Variants in CENPI observed in about 807,000 individuals in gnomAD.
CENPI encodes the protein centromere protein I, also known as FSH primary response 1.
In CENPI, 4 loss-of-function variants were observed where a neutral mutation model predicts 60.4. The ratio of observed to expected loss-of-function variants is 0.07; its 90% CI spans 0.03 to 0.15. The LOEUF is 0.15. Among genes scored for constraint, CENPI ranks in the 10% least tolerant of loss-of-function variants. The pLI, the probability that CENPI is intolerant of heterozygous loss-of-function variation, is 1.00. For synonymous variants in CENPI, 157 were observed against 189.4 expected, an observed-to-expected ratio of 0.83 and a Z score of 1.40; for missense variants, 444 against 534.5, an observed-to-expected ratio of 0.83 and a Z score of 1.67.
At chrX:101,109,867 A>G (rs1277800027) in intron 5 of CENPI, 24 bp from the exon 6 acceptor site, 14 of 1,058,938 alleles carry the variant, frequency 1.3e-5, no homozygotes, top group Admixed American at 2.2e-5. Context: ...TTCTTTAAAG[A>G]TAAGTATTTT....
intron 4 of CENPI, among the ~76,000 whole-genome samples, chrX:101,104,115 C>T (rs2089455767): frequency 9.0e-6 from 1 of 111,528 alleles, no homozygotes; most frequent in Non-Finnish European, 1.9e-5. Context: ...TTGGGCTTAT[C>T]GGCATGTGCC....
In CENPI at chrX:101,110,016, A is replaced by G. The variant is rs752043926; in HGVS notation, c.591+18A>G. On this transcript the variant is annotated intron_variant, in intron 6 of 21. Transcript: ENST00000682095. ...ATGCACTGGTAAGTAAAAATTGGACAGCATTAGGCATCAATCAAATAGTAC... is the reference window on the plus strand; with the variant it reads ...ATGCACTGGTAAGTAAAAATTGGACGGCATTAGGCATCAATCAAATAGTAC... The G allele has an allele frequency of 1.2e-4, 122 of 981,932 alleles. No homozygotes were observed. Among genetic ancestry groups the G allele is most frequent in the Admixed American group, 2.7e-4 (12 of 44,572 alleles). 80.9% of individuals were successfully genotyped at this position (981,932 alleles called of 1,213,427 possible). A position where few individuals can be genotyped will look rare whatever the true frequency, so the allele number is the denominator to read the frequency against.
intron 18 of CENPI, among the ~76,000 whole-genome samples, chrX:101,147,560 C>T (rs1268280830): frequency 9.0e-6 from 1 of 111,731 alleles, no homozygotes; most frequent in Non-Finnish European, 1.9e-5. Context: ...CTTAAGTGTA[C>T]AACTTATTGA....
At chrX:101,100,997 CTG>C (rs1448474076) in intron 2 of CENPI, 59 bp from the exon 3 acceptor site, 1 of 767,026 alleles carries the variant, frequency 1.3e-6, no homozygotes, top group Non-Finnish European at 2.0e-6. Flanking sequence ...CACCCTGTCT[CTG>C]TGGAGAAAAA....
At chrX:101,133,921 G>A (rs966808648) in intron 15 of CENPI, among the ~76,000 whole-genome samples, 26 of 111,490 alleles carry the variant, frequency 2.3e-4, no homozygotes, top group African/African-American at 8.1e-4. Flanking sequence ...CAGATTGTGT[G>A]GGTTGAGGAG....
At chrX:101,126,606 C>T (rs1187074453) in intron 8 of CENPI, 103 bp from the exon 9 acceptor site, 14 of 615,958 alleles carry the variant, frequency 2.3e-5, no homozygotes, top group Admixed American at 1.3e-4. Flanking sequence ...TATATCTCAG[C>T]GAAATTATGG....
At chrX:101,178,364 C>T in the CENPI span, among the ~76,000 whole-genome samples, 4 of 102,672 alleles carry the variant, frequency 3.9e-5, no homozygotes, top group Admixed American at 1.1e-4. Context: ...GAAGCCCCTT[C>T]CTTAGGATCT....
At chrX:101,156,384 T>G (rs2090052485) in intron 20 of CENPI, among the ~76,000 whole-genome samples, 2 of 112,315 alleles carry the variant, frequency 1.8e-5, no homozygotes, top group Non-Finnish European at 1.9e-5. Context: ...GTTGTAAGGT[T>G]AGGCACCATT....
chrX:101,155,647 T>C (rs1204794401), intron 20 of CENPI, among the ~76,000 whole-genome samples: 1 of 112,398 alleles, frequency 8.9e-6, no homozygotes, highest in East Asian at 2.8e-4. Context: ...TTAGAATAAA[T>C]CCTGTTTGGT....
At chrX:101,168,740 A>C (rs1168743090), downstream of CENPI, among the ~76,000 whole-genome samples, 5 of 111,889 alleles carry the variant, frequency 4.5e-5, no homozygotes, top group Admixed American at 4.8e-4. Flanking sequence ...ATTAGAGGCT[A>C]TACAGTGGGG....
At position 101,118,086 on chromosome X, in the gene CENPI, T is replaced by C. The variant is rs138775590; in HGVS notation, c.592-2316T>C. 2.8e-3 allele frequency among the ~76,000 whole-genome samples: 310 copies of C among 111,845 alleles called. 1 individual carries two copies. The highest frequency in any genetic ancestry group is 9.5e-3 in the African/African-American group (292 of 30,854). ...GACATTAAAGTCATCTGGCATGATA[T>C]TGGGATTAGAGTTAGAGCTGAAAAC... On this transcript the variant is annotated intron_variant, in intron 6 of 21. Coordinates refer to ENST00000682095, the MANE Select transcript of CENPI (RefSeq NM_001386188.2).
chrX:101,109,075 GTTTT>G (rs869245080), intron 4 of CENPI, among the ~76,000 whole-genome samples: 1 of 47,318 alleles, frequency 2.1e-5, no homozygotes, highest in African/African-American at 8.5e-5. Context: ...GAGGTGTGGT[GTTTT>G]TTTTTTTTTT....
chrX:101,125,560 C>G (rs2089726577), intron 8 of CENPI, among the ~76,000 whole-genome samples: 1 of 110,608 alleles, frequency 9.0e-6, no homozygotes, highest in African/African-American at 3.3e-5. Flanking sequence ...TCACAGCCGG[C>G]CTAATTTTTG....
chrX:101,147,677 G>A, intron 18 of CENPI, 86 bp from the exon 19 acceptor site: 1 of 713,006 alleles, frequency 1.4e-6, no homozygotes. Flanking sequence ...CATTTAAAAT[G>A]TATGTTTTTT....
At chrX:101,181,210 C>T in the CENPI span, among the ~76,000 whole-genome samples, 3 of 110,052 alleles carry the variant, frequency 2.7e-5, no homozygotes, top group African/African-American at 9.9e-5. Context: ...GTTATTGTAC[C>T]TTTGTGATAA....
At chrX:101,127,108 C>T in intron 9 of CENPI, 30 bp from the exon 10 acceptor site, 1 of 1,099,942 alleles carries the variant, frequency 9.1e-7, no homozygotes. Flanking sequence ...TGGGTACCTA[C>T]TCTCTTGTAC....
intron 20 of CENPI, among the ~76,000 whole-genome samples, chrX:101,152,519 C>T (rs1269836822): frequency 1.8e-5 from 2 of 110,396 alleles, no homozygotes; most frequent in African/African-American, 3.3e-5. Flanking sequence ...TGGGTTCAAG[C>T]GATTCTCCTG....
chrX:101,105,440 C>G (rs977822961), intron 4 of CENPI, among the ~76,000 whole-genome samples: 7 of 111,775 alleles, frequency 6.3e-5, no homozygotes, highest in Non-Finnish European at 1.1e-4. Flanking sequence ...AGGAGAATGG[C>G]GTGAACCCAG....
At chrX:101,175,923 T>C in the CENPI span, among the ~76,000 whole-genome samples, 4 of 111,233 alleles carry the variant, frequency 3.6e-5, no homozygotes, top group Non-Finnish European at 5.7e-5. Flanking sequence ...TCACTCTTTA[T>C]CCTCCGCCAA....
Sources: allele counts gnomAD v4.1 joint callset (sites outside exome capture counted in the v4.1 genomes callset), GRCh38; gene constraint gnomAD v4.1.1; transcripts MANE v1.5; gene names NCBI Gene and HGNC (gene_info 2026-07-23, HGNC 2026-07-21).